Variants in RGL1 observed in about 807,000 individuals in gnomAD.
RGL1 encodes ral guanine nucleotide dissociation stimulator like 1.
RGL1 carries 24 observed loss-of-function variants against 95.2 expected under a neutral mutation model. The observed-to-expected ratio is 0.25, with a 90% CI of 0.18 to 0.35. The LOEUF is 0.35. RGL1 is among the 10% of genes least tolerant of loss of function. The pLI is 1.00. For synonymous variants in RGL1, 329 were observed against 344.9 expected, an observed-to-expected ratio of 0.95 and a Z score of 0.51; for missense variants, 715 against 936.3, an observed-to-expected ratio of 0.76 and a Z score of 3.08.
intron 2 of RGL1, among the ~76,000 whole-genome samples, chr1:183,745,610 C>T (rs1432308452): frequency 2.0e-5 from 3 of 151,758 alleles, no homozygotes; most frequent in African/African-American, 7.3e-5. Flanking sequence ...TATCATGTTT[C>T]TATAGATATC....
At chr1:183,637,785 A>T (rs1486896489) in intron 1 of RGL1, among the ~76,000 whole-genome samples, 1 of 152,178 alleles carries the variant, frequency 6.6e-6, no homozygotes, top group Non-Finnish European at 1.5e-5. Flanking sequence ...GGAATGCCTT[A>T]AGACAGCAAA....
intron 2 of RGL1, among the ~76,000 whole-genome samples, chr1:183,769,583 A>C: frequency 6.6e-6 from 1 of 152,272 alleles, no homozygotes. Context: ...TACACAATAC[A>C]TAAACATGTA....
intron 2 of RGL1, among the ~76,000 whole-genome samples, chr1:183,742,870 A>G (rs1219952596): frequency 4.6e-5 from 7 of 152,322 alleles, no homozygotes; most frequent in African/African-American, 1.4e-4. Flanking sequence ...AACCATTTCC[A>G]TATAGGCATG....
chr1:183,883,384 A>T (rs1666932162), intron 5 of RGL1, among the ~76,000 whole-genome samples: 1 of 152,218 alleles, frequency 6.6e-6, no homozygotes, highest in Non-Finnish European at 1.5e-5. Flanking sequence ...GAGTCCTTCC[A>T]GGCTTCTGGT....
chr1:183,887,923 C>G (rs1285159248), intron 7 of RGL1, among the ~76,000 whole-genome samples: 1 of 151,888 alleles, frequency 6.6e-6, no homozygotes, highest in Non-Finnish European at 1.5e-5. Flanking sequence ...AATTTGAAAC[C>G]AAATGAATGT....
At chr1:183,807,723 A>G (rs1054415606) in intron 2 of RGL1, among the ~76,000 whole-genome samples, 9 of 152,222 alleles carry the variant, frequency 5.9e-5, no homozygotes, top group Non-Finnish European at 1.2e-4. Flanking sequence ...TGAGGGCCAG[A>G]AATTGTTAAT....
chr1:183,674,866 T>C (rs1652712846), intron 1 of RGL1, among the ~76,000 whole-genome samples: 1 of 152,248 alleles, frequency 6.6e-6, no homozygotes, highest in Admixed American at 6.5e-5. Flanking sequence ...AATCATTCTG[T>C]CTTTATTTAG....
chr1:183,788,909 C>G (rs1660310402), intron 2 of RGL1, among the ~76,000 whole-genome samples: 1 of 152,196 alleles, frequency 6.6e-6, no homozygotes, highest in South Asian at 2.1e-4. Context: ...GCCTAGATTG[C>G]TCTCTTCCCC....
At position 183,669,561 on chromosome 1, in the gene RGL1, T is replaced by C. The variant is rs76468866; in HGVS notation, c.-33+33060T>C. Among the ~76,000 whole-genome samples the C allele has an allele frequency of 1.8e-3, 278 of 152,326 alleles. 6 individuals carry two copies. In the East Asian group the frequency reaches 0.042, roughly 23 times the overall value. The stretch of plus-strand genomic sequence containing the variant: ...TCTTTAAACTGTGTTTTTTGTCTTT[T>C]AGTTTGCCTTATAATTTTTGGTTAA... On this transcript the variant is annotated intron_variant, in intron 1 of 18. Transcript: ENST00000304685.
intron 2 of RGL1, among the ~76,000 whole-genome samples, chr1:183,749,504 C>G (rs1453282574): frequency 6.6e-6 from 1 of 152,154 alleles, no homozygotes; most frequent in African/African-American, 2.4e-5. Context: ...TAGGTCCTGA[C>G]TCTTTATCCA....
At chr1:183,672,594 C>T (rs1244042935) in intron 1 of RGL1, among the ~76,000 whole-genome samples, 4 of 152,142 alleles carry the variant, frequency 2.6e-5, no homozygotes, top group Non-Finnish European at 4.4e-5. Flanking sequence ...GGTCTTTAAT[C>T]TGCTATTTAA....
At chr1:183,776,078 A>G (rs1278936363) in intron 2 of RGL1, among the ~76,000 whole-genome samples, 1 of 151,914 alleles carries the variant, frequency 6.6e-6, no homozygotes, top group Non-Finnish European at 1.5e-5. Context: ...GTTGAGTTAC[A>G]TTTGTTGAGT....
intron 2 of RGL1, among the ~76,000 whole-genome samples, chr1:183,814,847 A>C (rs1365946173): frequency 6.6e-6 from 1 of 152,230 alleles, no homozygotes; most frequent in Admixed American, 6.5e-5. Context: ...ACTAATGGTG[A>C]TGGAGCTAGA....
chr1:183,890,737 T>C (rs919209269), intron 8 of RGL1, among the ~76,000 whole-genome samples: 2 of 152,168 alleles, frequency 1.3e-5, no homozygotes, highest in Non-Finnish European at 2.9e-5. Flanking sequence ...CTTGGACTTG[T>C]ATATGAAATG....
chr1:183,664,525 G>A (rs1257523043), intron 1 of RGL1, among the ~76,000 whole-genome samples: 1 of 151,372 alleles, frequency 6.6e-6, no homozygotes, highest in Non-Finnish European at 1.5e-5. Flanking sequence ...AACTGGCAGA[G>A]CTGAGATTTA....
chr1:183,780,708 C>T (rs1011522152), intron 2 of RGL1, among the ~76,000 whole-genome samples: 8 of 152,206 alleles, frequency 5.3e-5, no homozygotes, highest in Admixed American at 1.3e-4. Flanking sequence ...ATAGGTGATA[C>T]TTTCAGCGCG....
At chr1:183,737,728 C>T (rs1040676635) in intron 1 of RGL1, among the ~76,000 whole-genome samples, 1 of 152,146 alleles carries the variant, frequency 6.6e-6, no homozygotes, top group African/African-American at 2.4e-5. Context: ...AGTATGCAAT[C>T]ACAATCCTTT....
intron 3 of RGL1, among the ~76,000 whole-genome samples, chr1:183,859,343 G>A (rs370325036): frequency 9.2e-5 from 14 of 152,292 alleles, no homozygotes; most frequent in African/African-American, 2.2e-4. Flanking sequence ...TTAAATCTGC[G>A]TGAGATATAA....
intron 2 of RGL1, among the ~76,000 whole-genome samples, chr1:183,847,139 G>A (rs540755711): frequency 1.3e-5 from 2 of 152,118 alleles, no homozygotes; most frequent in South Asian, 2.1e-4. Flanking sequence ...TATATGACAT[G>A]TAGAGAAATT....
Sources: gnomAD v4.1 joint callset for allele counts (sites outside exome capture counted in the v4.1 genomes callset) on GRCh38, gnomAD v4.1.1 for gene constraint, MANE v1.5 for transcripts, NCBI Gene and HGNC (gene_info 2026-07-23, HGNC 2026-07-21) for gene names.